NLRP7: variants seen among roughly 807,000 people sequenced by gnomAD.
NLRP7 encodes the protein NLR family pyrin domain containing 7, also known as NACHT, LRR and PYD domains-containing protein 7.
A neutral mutation model predicts 85.5 loss-of-function variants in NLRP7; 72 were observed. That is an observed-to-expected ratio of 0.84 (90% CI 0.70 to 1.02). The LOEUF (loss-of-function observed/expected upper bound fraction) is 1.02. Ranked by LOEUF, NLRP7 falls within the 50% of genes least tolerant of loss-of-function variation. The probability of loss-of-function intolerance (pLI) is 0.00; values close to 1 mark genes in which losing one functional copy is unlikely to be tolerated. For missense variants in NLRP7, 1,243 were observed against 1,219.5 expected, an observed-to-expected ratio of 1.02 and a Z score of -0.29; for synonymous variants, 550 against 505.2, an observed-to-expected ratio of 1.09 and a Z score of -1.19.
chr19:54,932,828 G>T (rs2068734194), intron 8 of NLRP7, among the ~76,000 whole-genome samples: 1 of 151,868 alleles, frequency 6.6e-6, no homozygotes. Flanking sequence ...GTTAATTTTT[G>T]TATTTTTTAG....
intron 1 of NLRP7, among the ~76,000 whole-genome samples, chr19:54,961,276 C>T (rs2070032839): frequency 6.6e-6 from 1 of 151,858 alleles, no homozygotes; most frequent in African/African-American, 2.4e-5. Flanking sequence ...TTTGGGAGGC[C>T]AAAGCAGGTG....
chr19:54,930,230 G>A (rs1331008570), intron 9 of NLRP7, among the ~76,000 whole-genome samples: 1 of 151,994 alleles, frequency 6.6e-6, no homozygotes, highest in Non-Finnish European at 1.5e-5. Flanking sequence ...ACATTGGGAG[G>A]CCGAGGTGGG....
chr19:54,950,439 A>G (rs916864293), upstream of NLRP7, among the ~76,000 whole-genome samples: 5 of 152,138 alleles, frequency 3.3e-5, no homozygotes, highest in African/African-American at 7.2e-5. Flanking sequence ...CCAGCTTCTG[A>G]GTTCCCTTAG....
chr19:54,938,072 G>A lies in NLRP7; in HGVS notation c.2101C>T (p.Arg701Cys), dbSNP rs104895535. ...ACTTTCTGCAGATGACAGGTGCTAC[G>A]GGTTACGTGGTCACAAAGAATCCGC... The change falls in exon 5 of 10, where the codon CGT (arginine) becomes TGT (cysteine). Residue 701 changes from arginine to cysteine, a missense_variant. Around this residue, in one of 3 missense-constraint regions of NLRP7, gnomAD observed 613 missense variants for 588.4 expected, o/e 1.04. Coordinates refer to ENST00000340844, the Ensembl canonical transcript of NLRP7. 1.1e-5 allele frequency: 18 copies of A among 1,613,904 alleles called. No individual in the cohort carries two copies. The highest frequency in any genetic ancestry group is 4.0e-5 in the African/African-American group (3 of 74,892).
chr19:54,949,802 CAAAAG>C (rs1422910422), upstream of NLRP7, among the ~76,000 whole-genome samples: 1 of 152,018 alleles, frequency 6.6e-6, no homozygotes, highest in Non-Finnish European at 1.5e-5. Flanking sequence ...CCATAAACCC[CAAAAG>C]AAAAGGGTTT....
chr19:54,928,996 T>C (rs532181809), intron 9 of NLRP7, among the ~76,000 whole-genome samples: 2 of 152,228 alleles, frequency 1.3e-5, no homozygotes, highest in South Asian at 2.1e-4. Flanking sequence ...CCCGTTTGCA[T>C]TGAGCTTTTG....
intron 1 of NLRP7, among the ~76,000 whole-genome samples, chr19:54,954,126 CAGTTTACAA>C (rs1374065857): frequency 6.7e-6 from 1 of 149,456 alleles, no homozygotes. Context: ...AGCCCCATGA[CAGTTTACAA>C]ATGCCATGGC....
At chr19:54,929,006 G>C (rs2068561715) in intron 9 of NLRP7, among the ~76,000 whole-genome samples, 1 of 152,074 alleles carries the variant, frequency 6.6e-6, no homozygotes, top group South Asian at 2.1e-4. Context: ...TTGAGCTTTT[G>C]AGTCTTTGGA....
chr19:54,963,739 G>A lies in NLRP7; in HGVS notation c.-77+2301C>T, dbSNP rs552220454. Among the ~76,000 whole-genome samples, 235 of 150,256 alleles carry A rather than the reference G, an allele frequency of 1.6e-3. 1 individual carries two copies. Among genetic ancestry groups the A allele is most frequent in the Admixed American group, 2.7e-3 (41 of 15,112 alleles). On this transcript the variant is annotated intron_variant, in intron 1 of 2. Coordinates refer to the NLRP7 transcript ENST00000587103. ...TTCAGGAGGCTGAGGCAGGAGAATCGCTTGAACTCTGGAGGCGGAGGTTGC... is the reference window on the plus strand; with the variant it reads ...TTCAGGAGGCTGAGGCAGGAGAATCACTTGAACTCTGGAGGCGGAGGTTGC...
intron 1 of NLRP7, among the ~76,000 whole-genome samples, chr19:54,946,870 C>T (rs2069498727): frequency 6.6e-6 from 1 of 152,090 alleles, no homozygotes; most frequent in South Asian, 2.1e-4. Context: ...AAACTTCTGG[C>T]CTCAAGTGAT....
At chr19:54,946,263 G>A (rs2069469750) in intron 1 of NLRP7, among the ~76,000 whole-genome samples, 1 of 151,070 alleles carries the variant, frequency 6.6e-6, no homozygotes, top group Admixed American at 6.6e-5. Context: ...CCAGGCTGGA[G>A]TGCAGTGGCG....
At chr19:54,950,024 C>T (rs184573315), upstream of NLRP7, among the ~76,000 whole-genome samples, 227 of 151,864 alleles carry the variant, frequency 1.5e-3, no homozygotes, top group African/African-American at 4.6e-3. Context: ...ATCACTTGAA[C>T]GCAGGAGACA....
intron 6 of NLRP7, among the ~76,000 whole-genome samples, chr19:54,935,203 C>T (rs1156634798): frequency 6.8e-6 from 1 of 146,728 alleles, no homozygotes; most frequent in Non-Finnish European, 1.5e-5. Context: ...ACCAAAACGG[C>T]CTGTGTGGAT....
chr19:54,952,863 A>G (rs1319783765), intron 1 of NLRP7, among the ~76,000 whole-genome samples: 1 of 151,954 alleles, frequency 6.6e-6, no homozygotes, highest in Non-Finnish European at 1.5e-5. Context: ...TCCAAAAAAA[A>G]CAAAAATGAC....
At chr19:54,937,600 T>C (rs1478714160) in intron 5 of NLRP7, among the ~76,000 whole-genome samples, 1 of 132,320 alleles carries the variant, frequency 7.6e-6, no homozygotes, top group Non-Finnish European at 1.6e-5. Flanking sequence ...TCAGAAAAAA[T>C]AAAAAATAAA....
At chr19:54,939,551 A>G in exon 4 of NLRP7, 9 of 1,612,686 alleles carry the variant, frequency 5.6e-6, no homozygotes, top group Non-Finnish European at 7.6e-6. Context: ...CTGCGCCCAC[A>G]GGCCCTGCGC....
chr19:54,925,925 G>A (rs1290145415), intron 9 of NLRP7, among the ~76,000 whole-genome samples: 5 of 151,712 alleles, frequency 3.3e-5, no homozygotes, highest in Admixed American at 2.0e-4. Flanking sequence ...GCGTGAACCC[G>A]GGAGGTGGAG....
chr19:54,933,250 A>G (rs968915767), intron 8 of NLRP7, among the ~76,000 whole-genome samples: 3 of 152,052 alleles, frequency 2.0e-5, no homozygotes, highest in East Asian at 1.9e-4. Flanking sequence ...GGTTCACGCC[A>G]TTCTCCTGTC....
rs534301893 is a variant in NLRP7, at chr19:54,963,184, C to T, written c.-77+2856G>A. ...GCCGTGGTGGGAAGATTGCTTAAGC[C>T]CATGGGGTTGAGACCAGCCTGGGCA... On this transcript the variant is annotated intron_variant, in intron 1 of 2. Transcript: ENST00000587103. Among the ~76,000 whole-genome samples, 10 of 150,784 alleles carry T rather than the reference C, an allele frequency of 6.6e-5. No homozygotes were observed. The South Asian group carries it at 2.1e-3, about 32-fold the overall frequency.
Sources: gnomAD v4.1 joint callset for allele counts (sites outside exome capture counted in the v4.1 genomes callset) on GRCh38, gnomAD v4.1.1 for gene constraint, gnomAD v4.1.1 regional missense constraint, MANE v1.5 for transcripts, NCBI Gene and HGNC (gene_info 2026-07-23, HGNC 2026-07-21) for gene names.